TCERG1L: variants seen among roughly 807,000 people sequenced by gnomAD.
The protein encoded by TCERG1L is transcription elongation regulator 1 like.
Under a neutral mutation model 56.3 loss-of-function variants are expected in TCERG1L, and 37 were observed. The ratio of observed to expected loss-of-function variants is 0.66; its 90% confidence interval spans 0.51 to 0.87. The LOEUF (loss-of-function observed/expected upper bound fraction) is 0.87, where lower values mean the gene tolerates loss of function less well. Among genes scored for constraint, TCERG1L ranks in the 40% least tolerant of loss-of-function variants. The probability of loss-of-function intolerance (pLI) is 0.00; values close to 1 mark genes in which losing one functional copy is unlikely to be tolerated. For missense variants in TCERG1L, 799 were observed against 774.2 expected, an observed-to-expected ratio of 1.03 and a Z score of -0.38; for synonymous variants, 324 against 326.3, an observed-to-expected ratio of 0.99 and a Z score of 0.08.
chr10:131,264,621 G>A (rs1364700750), intron 3 of TCERG1L, among the ~76,000 whole-genome samples: 1 of 152,160 alleles, frequency 6.6e-6, no homozygotes, highest in Non-Finnish European at 1.5e-5. Context: ...GGAAAGGCTC[G>A]GGCCCTGGGG....
intron 4 of TCERG1L, among the ~76,000 whole-genome samples, chr10:131,243,973 T>C (rs1846000778): frequency 6.6e-6 from 1 of 152,248 alleles, no homozygotes; most frequent in Admixed American, 6.5e-5. Flanking sequence ...GATGGTTTGC[T>C]GTCCCACAAA....
intron 11 of TCERG1L, chr10:131,095,559 C>T (rs192050074): frequency 1.3e-5 from 2 of 152,214 alleles, no homozygotes; most frequent in African/African-American, 4.8e-5. Context: ...AGGATGCCTA[C>T]AGAAAAGTAT....
intron 8 of TCERG1L, among the ~76,000 whole-genome samples, chr10:131,117,187 G>C (rs1206391828): frequency 1.3e-5 from 2 of 152,156 alleles, no homozygotes; most frequent in Non-Finnish European, 2.9e-5. Flanking sequence ...AGAAGCTGCA[G>C]CTCAAGTGCA....
At chr10:131,163,319 A>AC in intron 5 of TCERG1L, 109 bp from the exon 6 acceptor site, 1 of 853,232 alleles carries the variant, frequency 1.2e-6, no homozygotes, top group South Asian at 1.9e-5. Flanking sequence ...GGCAGCTTAT[A>AC]GTAGCCACGA....
rs12778163 is a variant in TCERG1L at position 131,243,389 on chromosome 10, G to A, written c.856+16870C>T. On this transcript the variant is annotated intron_variant, in intron 4 of 11. Transcript: ENST00000368642. The stretch of plus-strand genomic sequence containing the variant: ...TTGAGGTCAGGAGTTGGAGACCAGC[G>A]TAGCCAACGTTGCAAACCCCGTCTC... 1.1e-4 allele frequency among the ~76,000 whole-genome samples: 16 copies of A among 152,004 alleles called. No individual in the cohort carries two copies. The South Asian group carries it at 2.5e-3, about 24-fold the overall frequency.
chr10:131,256,832 C>T (rs181509870), intron 4 of TCERG1L, among the ~76,000 whole-genome samples: 2 of 150,984 alleles, frequency 1.3e-5, no homozygotes, highest in East Asian at 3.9e-4. Flanking sequence ...TGCAATGAGC[C>T]GAGACCGCAC....
At chr10:131,136,384 C>T (rs990646066) in intron 7 of TCERG1L, among the ~76,000 whole-genome samples, 7 of 152,124 alleles carry the variant, frequency 4.6e-5, no homozygotes, top group East Asian at 2.0e-4. Flanking sequence ...AGCTTCAGGA[C>T]GAGGGCCTGG....
intron 4 of TCERG1L, among the ~76,000 whole-genome samples, chr10:131,243,958 T>C (rs1220397290): frequency 6.6e-6 from 1 of 152,146 alleles, no homozygotes; most frequent in Admixed American, 6.5e-5. Flanking sequence ...AGCTCTCTAT[T>C]TGGGGATGGT....
chr10:131,186,308 T>C (rs115001093), intron 4 of TCERG1L, among the ~76,000 whole-genome samples: 7,149 of 152,250 alleles, frequency 0.047, 194 homozygotes, highest in South Asian at 0.076. Flanking sequence ...AACATGGTAA[T>C]TGCGCTCAAT....
intron 9 of TCERG1L, among the ~76,000 whole-genome samples, chr10:131,105,817 C>T (rs1256394281): frequency 1.3e-5 from 2 of 152,246 alleles, no homozygotes; most frequent in Non-Finnish European, 2.9e-5. Context: ...TTGGGCTGGA[C>T]TCCAGTGTGA....
At chr10:131,167,009 C>G in intron 4 of TCERG1L, 124 bp from the exon 5 acceptor site, 1 of 785,808 alleles carries the variant, frequency 1.3e-6, no homozygotes, top group Non-Finnish European at 2.0e-6. Flanking sequence ...GTGCATTCCA[C>G]AGAAAGGTGG....
At chr10:131,307,801 C>T (rs1412482740) in intron 3 of TCERG1L, among the ~76,000 whole-genome samples, 1 of 152,114 alleles carries the variant, frequency 6.6e-6, no homozygotes, top group African/African-American at 2.4e-5. Context: ...ATTCAGAGAT[C>T]ACACATGTTC....
At chr10:131,144,546 A>G (rs1845774038) in intron 7 of TCERG1L, among the ~76,000 whole-genome samples, 1 of 152,078 alleles carries the variant, frequency 6.6e-6, no homozygotes, top group South Asian at 2.1e-4. Context: ...CCGGAAGTTG[A>G]GAATCGAAGT....
chr10:131,266,964 G>A (rs918479108), intron 3 of TCERG1L, among the ~76,000 whole-genome samples: 1 of 152,054 alleles, frequency 6.6e-6, no homozygotes, highest in Non-Finnish European at 1.5e-5. Flanking sequence ...GGCCATGAGA[G>A]GGCCTGGAAA....
intron 3 of TCERG1L, among the ~76,000 whole-genome samples, chr10:131,263,665 G>A (rs886361046): frequency 6.6e-6 from 1 of 152,234 alleles, no homozygotes; most frequent in African/African-American, 2.4e-5. Flanking sequence ...ACAACCGTCT[G>A]CAAACAGGTT....
intron 4 of TCERG1L, among the ~76,000 whole-genome samples, chr10:131,247,671 G>C (rs1165549845): frequency 6.6e-6 from 1 of 152,084 alleles, no homozygotes; most frequent in African/African-American, 2.4e-5. Flanking sequence ...TTTTAGAGGA[G>C]ATGAACTTTC....
intron 4 of TCERG1L, among the ~76,000 whole-genome samples, chr10:131,198,126 G>A (rs1845387800): frequency 1.3e-5 from 2 of 152,358 alleles, no homozygotes; most frequent in South Asian, 4.1e-4. Flanking sequence ...CAGCGCTGCT[G>A]TGTCTCTGCC....
At chr10:131,215,545 C>T (rs549963868) in intron 4 of TCERG1L, among the ~76,000 whole-genome samples, 7 of 152,142 alleles carry the variant, frequency 4.6e-5, no homozygotes, top group East Asian at 3.9e-4. Context: ...GATCTGCACC[C>T]GGCTGGAGGA....
intron 4 of TCERG1L, among the ~76,000 whole-genome samples, chr10:131,184,640 G>A (rs950052418): frequency 5.9e-5 from 9 of 152,262 alleles, no homozygotes; most frequent in East Asian, 5.8e-4. Context: ...TGTACACATC[G>A]GTCACGATGG....
Sources: gnomAD v4.1 joint callset for allele counts (sites outside exome capture counted in the v4.1 genomes callset) on GRCh38, gnomAD v4.1.1 for gene constraint, MANE v1.5 for transcripts, NCBI Gene and HGNC (gene_info 2026-07-23, HGNC 2026-07-21) for gene names.